PTPRD: variants seen among roughly 807,000 people sequenced by gnomAD.
PTPRD encodes the protein receptor-type tyrosine-protein phosphatase delta.
Under a neutral mutation model 214.5 loss-of-function variants are expected in PTPRD, and 34 were observed. The observed-to-expected ratio is 0.16, with a 90% CI of 0.12 to 0.21. PTPRD has a LOEUF of 0.21. Ranked by LOEUF, PTPRD falls within the 10% of genes least tolerant of loss-of-function variation. The pLI is 1.00. For missense variants in PTPRD, 2,545 were observed against 2,398.7 expected (o/e 1.06, Z -1.27); for synonymous variants, 1,128 against 845.7 (o/e 1.33, Z -5.79).
intron 5 of PTPRD, among the ~76,000 whole-genome samples, chr9:9,918,763 C>G (rs570032508): frequency 7.9e-5 from 12 of 152,224 alleles, no homozygotes; most frequent in African/African-American, 2.9e-4. Context: ...CTATAGCCAT[C>G]TGATTTTTGG....
chr9:8,473,846 G>A (rs918938121), intron 30 of PTPRD, among the ~76,000 whole-genome samples: 2 of 152,134 alleles, frequency 1.3e-5, no homozygotes, highest in Admixed American at 6.5e-5. Context: ...CATTCATCTA[G>A]GGCAGTCAAA....
At chr9:8,710,380 G>A (rs2098306322) in intron 12 of PTPRD, among the ~76,000 whole-genome samples, 1 of 152,184 alleles carries the variant, frequency 6.6e-6, no homozygotes, top group Non-Finnish European at 1.5e-5. Flanking sequence ...ACTCTGGGAA[G>A]CCAAGGCGGT....
At chr9:8,936,097 T>G (rs532277895) in intron 11 of PTPRD, 1 of 151,976 alleles carries the variant, frequency 6.6e-6, no homozygotes, top group Non-Finnish European at 1.5e-5. Context: ...TTCAAATCAA[T>G]TGATGGAAGA....
intron 5 of PTPRD, among the ~76,000 whole-genome samples, chr9:9,827,566 C>G (rs1157373133): frequency 6.6e-6 from 1 of 152,068 alleles, no homozygotes; most frequent in Non-Finnish European, 1.5e-5. Flanking sequence ...AGAAGAAAAC[C>G]TAGGCAATAC....
chr9:8,422,541 T>C (rs995735669), intron 35 of PTPRD, among the ~76,000 whole-genome samples: 3 of 152,190 alleles, frequency 2.0e-5, no homozygotes, highest in African/African-American at 7.2e-5. Flanking sequence ...GAAAATGTCT[T>C]CTCTACAGTA....
intron 5 of PTPRD, among the ~76,000 whole-genome samples, chr9:9,809,935 GAGTTGA>G (rs2046609289): frequency 6.6e-6 from 1 of 152,076 alleles, no homozygotes; most frequent in Admixed American, 6.5e-5. Flanking sequence ...TTCAATAACA[GAGTTGA>G]AGTACACTTG....
chr9:9,464,296 C>T (rs954708027), intron 8 of PTPRD, among the ~76,000 whole-genome samples: 5 of 152,112 alleles, frequency 3.3e-5, no homozygotes, highest in Non-Finnish European at 5.9e-5. Context: ...CTCTCACCCT[C>T]CCTGCTTTTG....
intron 5 of PTPRD, among the ~76,000 whole-genome samples, chr9:9,785,322 G>A (rs1232137534): frequency 6.6e-6 from 1 of 151,920 alleles, no homozygotes; most frequent in Non-Finnish European, 1.5e-5. Flanking sequence ...ATCTCCTACA[G>A]TATATTTATT....
intron 3 of PTPRD, among the ~76,000 whole-genome samples, chr9:10,311,978 T>C (rs1356443704): frequency 6.6e-6 from 1 of 151,974 alleles, no homozygotes; most frequent in South Asian, 2.1e-4. Context: ...CAGACACATC[T>C]GGTTCTGCCA....
At chr9:10,483,843 C>T (rs1257859472) in intron 2 of PTPRD, among the ~76,000 whole-genome samples, 1 of 152,116 alleles carries the variant, frequency 6.6e-6, no homozygotes, top group Non-Finnish European at 1.5e-5. Context: ...TAAATTAATA[C>T]AACCTCTCTG....
chr9:9,245,199 C>G (rs892705119), intron 9 of PTPRD, among the ~76,000 whole-genome samples: 4 of 152,116 alleles, frequency 2.6e-5, no homozygotes, highest in African/African-American at 9.7e-5. Context: ...GGACTGTAAA[C>G]TAGTTTAACT....
At chr9:10,561,220 C>G (rs535888980) in intron 2 of PTPRD, among the ~76,000 whole-genome samples, 28 of 152,184 alleles carry the variant, frequency 1.8e-4, no homozygotes, top group African/African-American at 6.7e-4. Context: ...AGGTTATTGA[C>G]TTTTTCATTT....
chr9:10,011,113 C>T (rs982927552), intron 4 of PTPRD, among the ~76,000 whole-genome samples: 1 of 151,920 alleles, frequency 6.6e-6, no homozygotes, highest in South Asian at 2.1e-4. Context: ...TTCACCACAC[C>T]TTATACCTGT....
chr9:9,871,520 C>T (rs1000710514), intron 5 of PTPRD, among the ~76,000 whole-genome samples: 1 of 152,210 alleles, frequency 6.6e-6, no homozygotes, highest in Non-Finnish European at 1.5e-5. Context: ...CTAACTCTAG[C>T]TCTTCAAGGA....
chr9:9,033,856 A>C (rs905332229), intron 10 of PTPRD, among the ~76,000 whole-genome samples: 2 of 152,046 alleles, frequency 1.3e-5, no homozygotes, highest in African/African-American at 4.8e-5. Context: ...TGATTTTCTA[A>C]ATTGCCTCTG....
At chr9:8,831,845 T>C (rs2097298587) in intron 11 of PTPRD, among the ~76,000 whole-genome samples, 1 of 152,184 alleles carries the variant, frequency 6.6e-6, no homozygotes. Flanking sequence ...CATATACTAA[T>C]TTGACAAAAA....
At chr9:8,829,091 T>C (rs2154529066) in intron 11 of PTPRD, among the ~76,000 whole-genome samples, 1 of 152,318 alleles carries the variant, frequency 6.6e-6, no homozygotes, top group East Asian at 1.9e-4. Flanking sequence ...TCCTTAATTG[T>C]CCATGTAAAT....
At chr9:8,643,636 C>T (rs928354716) in intron 12 of PTPRD, among the ~76,000 whole-genome samples, 1 of 152,240 alleles carries the variant, frequency 6.6e-6, no homozygotes, top group Admixed American at 6.5e-5. Context: ...CTGCTCGCAG[C>T]TCTGATCTCA....
At chr9:8,778,263 A>G (rs2095559845) in intron 11 of PTPRD, among the ~76,000 whole-genome samples, 1 of 152,240 alleles carries the variant, frequency 6.6e-6, no homozygotes, top group Admixed American at 6.5e-5. Context: ...AAAATTAGTA[A>G]TAAAGATTAT....
Sources: allele counts gnomAD v4.1 joint callset (sites outside exome capture counted in the v4.1 genomes callset), GRCh38; gene constraint gnomAD v4.1.1; transcripts MANE v1.5; gene names NCBI Gene and HGNC (gene_info 2026-07-23, HGNC 2026-07-21).